The following SUOX variants were observed in gnomAD, a reference collection of about 807,000 sequenced individuals.
SUOX encodes the protein sulfite oxidase, mitochondrial.
Under a neutral mutation model 41.9 loss-of-function variants are expected in SUOX, and 39 were observed. The observed-to-expected ratio is 0.93, with a 90% confidence interval of 0.72 to 1.21. The LOEUF (loss-of-function observed/expected upper bound fraction) is 1.21, where lower values mean the gene tolerates loss of function less well. Among genes scored for constraint, SUOX ranks in the 50% most tolerant of loss-of-function variants. The probability of loss-of-function intolerance (pLI) is 0.00; values close to 1 mark genes in which losing one functional copy is unlikely to be tolerated. For missense variants in SUOX, 633 were observed against 689.5 expected (o/e 0.92, Z 0.92); for synonymous variants, 220 against 268.4 (o/e 0.82, Z 1.76).
chr12:56,002,554 T>C lies in SUOX; in HGVS notation c.62T>C (p.Ile21Thr). 1 of 1,614,084 alleles carries C rather than the reference T, an allele frequency of 6.2e-7. No homozygotes were observed. Among genetic ancestry groups the C allele is most frequent in the Non-Finnish European group, 8.5e-7 (1 of 1,180,018 alleles). The change falls in exon 4 of 5, where the codon ATC becomes ACC. Residue 21 changes from isoleucine (I) to threonine (T), a missense_variant. Ile to Thr is a moderately conservative substitution (Grantham distance 89, BLOSUM62 -1). Coordinates refer to ENST00000266971, the MANE Select transcript of SUOX (RefSeq NM_001032386.2). ...RLQQACRLKS[I>T]PSRICIQACS... ...GACCTCTCTTCCAGACTCAAGTCAA[T>C]CCCCTCAAGGATCTGCATTCAGGCC...
At position 56,005,053 on chromosome 12, in the gene SUOX, C is replaced by G. The variant is rs770314090; in HGVS notation, c.*26C>G. The G allele has an allele frequency of 3.7e-5, 59 of 1,603,730 alleles. No individual in the cohort carries two copies. Among genetic ancestry groups the G allele is most frequent in the Non-Finnish European group, 4.8e-5 (56 of 1,178,878 alleles). On this transcript the variant is annotated 3_prime_UTR_variant, in exon 5 of 5. Coordinates refer to ENST00000266971, the MANE Select transcript of SUOX (RefSeq NM_001032386.2). ...GCATGGAAAGGAGCCACCTCCACCC[C>G]TTTCCCCACCCATTAGCCTCACTGC...
chr12:56,004,701 G>A lies in SUOX; in HGVS notation c.1312G>A (p.Val438Ile), dbSNP rs1890677982. 1 of 1,614,062 alleles carries A rather than the reference G, an allele frequency of 6.2e-7. No homozygotes were observed. Among genetic ancestry groups the A allele is most frequent in the Admixed American group, 1.7e-5 (1 of 60,000 alleles). The part of the protein sequence containing the change: ...AITEPRDGET[V>I]ESGEVTIKGY... Reference sequence around the variant, plus strand: ...CACAGAGCCCCGGGATGGAGAGACTGTAGAATCAGGGGAGGTGACCATCAA... The same window carrying A: ...CACAGAGCCCCGGGATGGAGAGACTATAGAATCAGGGGAGGTGACCATCAA... Residue 438 changes from valine to isoleucine, a missense_variant, in exon 5 of 5, where the codon GTA becomes ATA. Coordinates refer to ENST00000266971, the MANE Select transcript of SUOX (RefSeq NM_001032386.2). The surrounding 1 kb of genome is among the most constrained non-coding windows in gnomAD (Gnocchi z 4.5).
At chr12:56,003,307 G>A (rs1386865297) in intron 4 of SUOX, among the ~76,000 whole-genome samples, 2 of 151,070 alleles carry the variant, frequency 1.3e-5, no homozygotes, top group Non-Finnish European at 1.5e-5. Context: ...TGTTGCCCAG[G>A]CTGGAGTGCA....
chr12:56,002,307 CCT>C, intron 3 of SUOX, 36 bp downstream of exon 3: 1 of 1,604,826 alleles, frequency 6.2e-7, no homozygotes, highest in Admixed American at 1.7e-5. Context: ...CCTCCTAGCC[CCT>C]ATCTGCCACC....
In SUOX at chr12:56,004,890, C is replaced by T. The variant is rs755326287; in HGVS notation, c.1501C>T (p.Gln501Ter). The part of the protein sequence containing the change: ...WQLKAPVPAG[Q>*]KELNIVCKAV... ...GTTGAAAGCCCCTGTGCCAGCTGGA[C>T]AAAAGGAACTGAACATTGTTTGTAA... The change falls in exon 5 of 5, where the codon CAA (glutamine) becomes TAA (stop). Residue 501 changes from glutamine to a stop codon, truncating the protein, a stop_gained. Coordinates refer to ENST00000266971, the MANE Select transcript of SUOX (RefSeq NM_001032386.2). LOFTEE classifies it high-confidence loss of function. The surrounding 1 kb of genome is among the most constrained non-coding windows in gnomAD (Gnocchi z 4.5). 1.2e-6 allele frequency: 2 copies of T among 1,613,964 alleles called. No homozygotes were observed. Among genetic ancestry groups the T allele is most frequent in the Non-Finnish European group, 1.7e-6 (2 of 1,180,020 alleles).
chr12:56,001,776 C>CT (rs895710447), intron 2 of SUOX: 39 of 347,394 alleles, frequency 1.1e-4, no homozygotes, highest in East Asian at 3.8e-4. Flanking sequence ...GCTGTCACTA[C>CT]TTTTTTTTCA....
rs1081976 is a variant in SUOX at position 55,999,595 on chromosome 12, A to G, written c.-11+1872A>G. On this transcript the variant is annotated intron_variant, in intron 2 of 4. Coordinates refer to ENST00000266971, the MANE Select transcript of SUOX (RefSeq NM_001032386.2). ...GTGAAGCTGCAGACCTTCACAGTGA[A>G]TGTTACAGCTCATAAAGGCAGTGTG... 143,518 of 152,720 alleles carry G rather than the reference A, an allele frequency of 0.94. 68,054 individuals carry two copies. Among genetic ancestry groups the G allele is most frequent in the East Asian group, 1 (5,208 of 5,208 alleles). The allele number at this position is 152,720 out of a possible 1,614,324, so 9.5% of individuals were successfully genotyped here. A position where few individuals can be genotyped will look rare whatever the true frequency, so the allele number is the denominator to read the frequency against.
Position 56,002,275 on chromosome 12 carries a change from G to T in SUOX, c.50+4G>T. ...TCAGGCTCCAACAGGCCTGCAGGTAGGCCAGCCCATCCCAGGACTTGCCTC... is the reference window on the plus strand; with the variant it reads ...TCAGGCTCCAACAGGCCTGCAGGTATGCCAGCCCATCCCAGGACTTGCCTC... On this transcript the variant is annotated splice_donor_region_variant and intron_variant, in intron 3 of 4. Transcript: ENST00000266971. The T allele has an allele frequency of 1.2e-6, 2 of 1,611,128 alleles. No individual in the cohort carries two copies.
chr12:56,004,107 G>C lies in SUOX; in HGVS notation c.718G>C (p.Gly240Arg). 6.2e-7 allele frequency: 1 copy of C among 1,614,166 alleles called. No individual in the cohort carries two copies. Among genetic ancestry groups the C allele is most frequent in the Non-Finnish European group, 8.5e-7 (1 of 1,180,030 alleles). Residue 240 changes from glycine to arginine, a missense_variant, in exon 5 of 5, where the codon GGT becomes CGT. Transcript: ENST00000266971. This position sits in a 1 kb window ranked among gnomAD's most constrained non-coding sequence, Gnocchi z 4.5. ...CTTACACGTAGTAGGAGCACCTGGG[G>C]GTCAGTCACTGTCTCTTTCCCTGGA... Reference protein sequence around the residue: ...YRLHVVGAPGGQSLSLSLDDL... With the variant: ...YRLHVVGAPGRQSLSLSLDDL...
Position 56,005,465 on chromosome 12 carries a change from G to T in SUOX, c.*438G>T. On this transcript the variant is annotated 3_prime_UTR_variant, in exon 5 of 5. Transcript: ENST00000266971. ...CCAGAGAGTTGCGAGGAGAGCAAGG[G>T]GCACAACCGTCTCCCTTTATAGTTC... 2.2e-6 allele frequency: 1 copy of T among 450,758 alleles called. No homozygotes were observed. Among genetic ancestry groups the T allele is most frequent in the Non-Finnish European group, 3.9e-6 (1 of 256,554 alleles). 27.9% of individuals were successfully genotyped at this position (450,758 alleles called of 1,614,324 possible).
rs201249214 is a variant in SUOX at position 56,004,687 on chromosome 12, G to A, written c.1298G>A (p.Arg433Gln). The change falls in exon 5 of 5, where the codon CGG (arginine) becomes CAG (glutamine). Residue 433 changes from arginine to glutamine, a missense_variant. Arg to Gln is a conservative substitution (Grantham distance 43). Transcript: ENST00000266971. This position sits in a 1 kb window ranked among gnomAD's most constrained non-coding sequence, Gnocchi z 4.5. Reference protein sequence around the residue: ...LPVQSAITEPRDGETVESGEV... With the variant: ...LPVQSAITEPQDGETVESGEV... ...GTCCAGTCGGCCATCACAGAGCCCC[G>A]GGATGGAGAGACTGTAGAATCAGGG... The A allele has an allele frequency of 6.4e-5, 103 of 1,613,746 alleles. No individual in the cohort carries two copies. The highest frequency in any genetic ancestry group is 1.6e-4 in the South Asian group (15 of 91,068).
rs1270869591 is a variant in SUOX, at chr12:56,002,618, C to T, written c.126C>T (p.Ser42=). 6.2e-7 allele frequency: 1 copy of T among 1,614,136 alleles called. No homozygotes were observed. Among genetic ancestry groups the T allele is most frequent in the South Asian group, 1.1e-5 (1 of 91,076 alleles). The stretch of plus-strand genomic sequence containing the variant: ...ATTCATTTCAGCCCCAGCGCCCCAG[C>T]CTCACCTTCTCTGGTGATAACTCCA... The part of the protein sequence containing the change: ...TNDSFQPQRP[S]LTFSGDNSST... Residue 42 remains serine (S), a synonymous_variant, in exon 4 of 5, where the codon AGC becomes AGT. Coordinates refer to ENST00000266971, the MANE Select transcript of SUOX (RefSeq NM_001032386.2).
Position 56,004,973 on chromosome 12 carries a change from G to T in SUOX, c.1584G>T (p.Leu528=), listed in dbSNP as rs1165245469. 7 of 1,614,126 alleles carry T rather than the reference G, an allele frequency of 4.3e-6. No homozygotes were observed. Among genetic ancestry groups the T allele is most frequent in the Non-Finnish European group, 5.9e-6 (7 of 1,180,042 alleles). ...QPDTVAPIWN[L]RGVLSNAWHR... ...ACACCGTGGCCCCAATCTGGAACCTGCGAGGTGTTCTCAGCAATGCCTGGC... is the reference window on the plus strand; with the variant it reads ...ACACCGTGGCCCCAATCTGGAACCTTCGAGGTGTTCTCAGCAATGCCTGGC... Residue 528 remains leucine (L), a synonymous_variant, in exon 5 of 5, where the codon CTG becomes CTT. Coordinates refer to ENST00000266971, the MANE Select transcript of SUOX (RefSeq NM_001032386.2). This position sits in a 1 kb window ranked among gnomAD's most constrained non-coding sequence, Gnocchi z 4.5.
chr12:56,003,776 T>TG lies in SUOX; in HGVS notation c.392dup (p.Pro132SerfsTer19). 6.2e-7 allele frequency: 1 copy of TG among 1,613,916 alleles called. No individual in the cohort carries two copies. Among genetic ancestry groups the TG allele is most frequent in the Non-Finnish European group, 8.5e-7 (1 of 1,179,888 alleles). On this transcript the variant is annotated frameshift_variant, in exon 5 of 5. Transcript: ENST00000266971. LOFTEE classifies it high-confidence loss of function. Reference sequence around the variant, plus strand: ...GGCCTTCAAAGCTGATGCTAGCAGCTGGGGGTCCCCTAGAGCCCTTCTGGG... The same window carrying TG: ...GGCCTTCAAAGCTGATGCTAGCAGCTGGGGGGTCCCCTAGAGCCCTTCTGGG...
At chr12:56,000,799 A>G (rs550400103) in intron 2 of SUOX, among the ~76,000 whole-genome samples, 4 of 151,238 alleles carry the variant, frequency 2.6e-5, no homozygotes, top group Non-Finnish European at 1.5e-5. Flanking sequence ...TTTTTTTGAG[A>G]CGTTTGAGAC....
chr12:55,998,259 G>T (rs1890378491), intron 2 of SUOX, among the ~76,000 whole-genome samples: 1 of 152,036 alleles, frequency 6.6e-6, no homozygotes, highest in Non-Finnish European at 1.5e-5. Context: ...AAGATATTTT[G>T]AGGCTGGGAG....
chr12:56,005,010 G>A lies in SUOX; in HGVS notation c.1621G>A (p.Val541Ile). 2 of 1,612,494 alleles carry A rather than the reference G, an allele frequency of 1.2e-6. No homozygotes were observed. The highest frequency in any genetic ancestry group is 2.2e-5 in the South Asian group (2 of 91,078). Reference sequence around the variant, plus strand: ...CAGCAATGCCTGGCATCGTGTCCATGTCTATGTCTCCCCATGAGCATGGAA... The same window carrying A: ...CAGCAATGCCTGGCATCGTGTCCATATCTATGTCTCCCCATGAGCATGGAA... ...VLSNAWHRVHVYVSP is the reference protein window; with the variant it reads ...VLSNAWHRVHIYVSP Residue 541 changes from valine to isoleucine, a missense_variant, in exon 5 of 5, where the codon GTC becomes ATC. By Grantham distance (29) the Val-to-Ile change is conservative (BLOSUM62 3). Transcript: ENST00000266971.
rs2136509616 is a variant in SUOX at position 56,002,582 on chromosome 12, C to A, written c.90C>A (p.Cys30Ter). Reference protein sequence around the residue: ...SIPSRICIQACSTNDSFQPQR... With the variant: ...SIPSRICIQA The stretch of plus-strand genomic sequence containing the variant: ...CCTCAAGGATCTGCATTCAGGCCTG[C>A]TCCACAAATGATTCATTTCAGCCCC... Residue 30 changes from cysteine (C) to a stop codon, truncating the protein, a stop_gained, in exon 4 of 5, where the codon TGC (cysteine) becomes TGA (stop). Coordinates refer to ENST00000266971, the MANE Select transcript of SUOX (RefSeq NM_001032386.2). LOFTEE classifies it high-confidence loss of function. The A allele has an allele frequency of 6.2e-7, 1 of 1,614,192 alleles. No homozygotes were observed. Among genetic ancestry groups the A allele is most frequent in the Non-Finnish European group, 8.5e-7 (1 of 1,180,044 alleles).
At chr12:55,999,237 T>G (rs1298179798) in intron 2 of SUOX, 1 of 152,228 alleles carries the variant, frequency 6.6e-6, no homozygotes, top group African/African-American at 2.4e-5. Flanking sequence ...GCTCACTCTG[T>G]AACCTCAAAC....
Sources: gnomAD v4.1 joint callset for allele counts (sites outside exome capture counted in the v4.1 genomes callset) on GRCh38, gnomAD v4.1.1 for gene constraint, Gnocchi (gnomAD v3.1) non-coding constraint, MANE v1.5 for transcripts, NCBI Gene and HGNC (gene_info 2026-07-23, HGNC 2026-07-21) for gene names.